Variants in DOCK3 observed in about 807,000 individuals in gnomAD.
The protein encoded by DOCK3 is dedicator of cytokinesis 3, also known as dedicator of cytokinesis protein 3.
DOCK3 carries 60 observed loss-of-function variants against 265.6 expected under a neutral mutation model. The observed-to-expected ratio is 0.23, with a 90% CI of 0.18 to 0.28. The LOEUF (loss-of-function observed/expected upper bound fraction) is 0.28, where lower values mean the gene tolerates loss of function less well. Among genes scored for constraint, DOCK3 ranks in the 10% least tolerant of loss-of-function variants. DOCK3 has a pLI of 1.00. For synonymous variants in DOCK3, 881 were observed against 938.0 expected (o/e 0.94, Z 1.11); for missense variants, 1,981 against 2,594.3 (o/e 0.76, Z 5.14).
At chr3:50,823,648 G>GTCATCCTGGCCCATTC (rs1281237447) in intron 2 of DOCK3, among the ~76,000 whole-genome samples, 4 of 152,068 alleles carry the variant, frequency 2.6e-5, no homozygotes, top group Non-Finnish European at 5.9e-5. Flanking sequence ...AACCGCCATT[G>GTCATCCTGGCCCATTC]TCATCCTGGC....
chr3:50,911,691 A>G (rs1029343220), intron 4 of DOCK3, among the ~76,000 whole-genome samples: 2 of 151,374 alleles, frequency 1.3e-5, no homozygotes, highest in Admixed American at 6.6e-5. Context: ...TGTGAAGAAC[A>G]TAATTGTTTT....
intron 5 of DOCK3, among the ~76,000 whole-genome samples, chr3:50,951,347 A>G (rs2076586757): frequency 6.6e-6 from 1 of 152,188 alleles, no homozygotes. Flanking sequence ...GCCAGTTCCC[A>G]GGAAGATTCA....
intron 7 of DOCK3, among the ~76,000 whole-genome samples, chr3:51,084,044 A>T (rs1264059362): frequency 6.6e-6 from 1 of 152,118 alleles, no homozygotes; most frequent in African/African-American, 2.4e-5. Context: ...TTTGACATCA[A>T]TCAGATGAAA....
At chr3:50,776,357 ATG>A (rs2041600139) in intron 1 of DOCK3, among the ~76,000 whole-genome samples, 1 of 150,762 alleles carries the variant, frequency 6.6e-6, no homozygotes, top group Non-Finnish European at 1.5e-5. Flanking sequence ...ATTTTTTTTC[ATG>A]TGTTTGTTGG....
At chr3:50,941,910 G>A (rs2076307320) in intron 5 of DOCK3, among the ~76,000 whole-genome samples, 1 of 152,072 alleles carries the variant, frequency 6.6e-6, no homozygotes, top group South Asian at 2.1e-4. Context: ...AGGTCAGAGT[G>A]TGACTGTTAA....
intron 26 of DOCK3, 28 bp from the exon 27 acceptor site, chr3:51,280,078 C>G (rs770611697): frequency 1.1e-5 from 17 of 1,602,850 alleles, no homozygotes; most frequent in Admixed American, 3.4e-5. Flanking sequence ...ATTGGCCATG[C>G]TAAGTGTTTT....
At chr3:51,047,609 T>G (rs1268501067) in intron 5 of DOCK3, among the ~76,000 whole-genome samples, 1 of 152,090 alleles carries the variant, frequency 6.6e-6, no homozygotes, top group Non-Finnish European at 1.5e-5. Flanking sequence ...TGGACTATTA[T>G]GAATAATTAT....
chr3:50,921,775 G>A (rs1002888197), intron 4 of DOCK3, among the ~76,000 whole-genome samples: 12 of 152,166 alleles, frequency 7.9e-5, no homozygotes, highest in Non-Finnish European at 5.9e-5. Context: ...CCTTCCAGCA[G>A]TCAGGACCCT....
At chr3:50,856,001 G>A (rs2046578701) in intron 3 of DOCK3, among the ~76,000 whole-genome samples, 1 of 152,158 alleles carries the variant, frequency 6.6e-6, no homozygotes, top group African/African-American at 2.4e-5. Flanking sequence ...CCATGCCCCT[G>A]CAAAGGACGT....
At chr3:50,779,424 C>T (rs1259489743) in intron 2 of DOCK3, among the ~76,000 whole-genome samples, 2 of 152,042 alleles carry the variant, frequency 1.3e-5, no homozygotes, top group Admixed American at 6.6e-5. Flanking sequence ...GCTCTTGTTG[C>T]CTAGGCTGGA....
chr3:50,854,592 G>GTTTTTTT (rs71084118), intron 3 of DOCK3, among the ~76,000 whole-genome samples: 2,954 of 47,114 alleles, frequency 0.063, 789 homozygotes, highest in East Asian at 0.38. Context: ...CATCACACCA[G>GTTTTTTT]TTTTTTTTTT....
chr3:50,849,365 TACAC>T (rs908971024), intron 3 of DOCK3, among the ~76,000 whole-genome samples: 3 of 149,762 alleles, frequency 2.0e-5, no homozygotes, highest in South Asian at 2.1e-4. Context: ...CACACACACA[TACAC>T]ACGCACACAT....
At chr3:50,684,281 A>G (rs1045424551) in intron 1 of DOCK3, among the ~76,000 whole-genome samples, 2 of 152,196 alleles carry the variant, frequency 1.3e-5, no homozygotes, top group Non-Finnish European at 2.9e-5. Context: ...TCTTGAGGAT[A>G]AGGAACTTTG....
Position 51,039,883 on chromosome 3 carries a change from CTTTT to C in DOCK3, c.316-24546_316-24543del, listed in dbSNP as rs60370676. Among the ~76,000 whole-genome samples, 296 of 99,838 alleles carry C rather than the reference CTTTT, an allele frequency of 3.0e-3. 1 individual carries two copies. The highest frequency in any genetic ancestry group is 0.01 in the African/African-American group (259 of 25,724). 65.5% of individuals were successfully genotyped at this position (99,838 alleles called of 152,430 possible). ...TGCATTATAGCTTGTGCTTTGAGGT[CTTTT>C]TTTTTTTTTTTTTTTTTTAACATAT... On this transcript the variant is annotated intron_variant, in intron 5 of 52. Transcript: ENST00000266037.
At chr3:50,951,383 C>G (rs1287783032) in intron 5 of DOCK3, among the ~76,000 whole-genome samples, 1 of 152,184 alleles carries the variant, frequency 6.6e-6, no homozygotes, top group Non-Finnish European at 1.5e-5. Context: ...GATTAATCCT[C>G]ATTTCTTTTC....
intron 10 of DOCK3, among the ~76,000 whole-genome samples, chr3:51,147,089 G>A (rs1413506644): frequency 6.6e-6 from 1 of 151,784 alleles, no homozygotes; most frequent in Non-Finnish European, 1.5e-5. Flanking sequence ...CTCCAGCCTA[G>A]GTGAAAAAGT....
chr3:51,057,912 G>GA (rs1361028320), intron 5 of DOCK3, among the ~76,000 whole-genome samples: 2 of 152,018 alleles, frequency 1.3e-5, no homozygotes, highest in Admixed American at 6.6e-5. Context: ...ATTTTCTATT[G>GA]AAAAAAATTG....
intron 12 of DOCK3, among the ~76,000 whole-genome samples, chr3:51,170,660 G>A (rs1368955782): frequency 1.3e-5 from 2 of 151,908 alleles, no homozygotes; most frequent in Non-Finnish European, 2.9e-5. Context: ...CTAAAGATTT[G>A]TCAGCCGGGC....
intron 6 of DOCK3, among the ~76,000 whole-genome samples, chr3:51,069,397 A>T (rs1047115452): frequency 1.3e-5 from 2 of 152,132 alleles, no homozygotes; most frequent in Non-Finnish European, 2.9e-5. Flanking sequence ...CTCTAATTTC[A>T]TCACTACAGT....
Sources: gnomAD v4.1 joint callset for allele counts (sites outside exome capture counted in the v4.1 genomes callset) on GRCh38, gnomAD v4.1.1 for gene constraint, MANE v1.5 for transcripts, NCBI Gene and HGNC (gene_info 2026-07-23, HGNC 2026-07-21) for gene names.